The following NFX1 variants were observed in gnomAD, a reference collection of about 807,000 sequenced individuals.
NFX1 encodes transcriptional repressor NF-X1.
A neutral mutation model predicts 137.2 loss-of-function variants in NFX1; 69 were observed. The observed-to-expected ratio is 0.50, with a 90% confidence interval of 0.41 to 0.61. NFX1 has a LOEUF of 0.61. Among genes scored for constraint, NFX1 ranks in the 20% least tolerant of loss-of-function variants. The pLI is 0.00. For synonymous variants in NFX1, 495 were observed against 474.1 expected (o/e 1.04, Z -0.57); for missense variants, 1,167 against 1,391.0 (o/e 0.84, Z 2.56).
At chr9:33,323,772 A>C (rs1025353271) in intron 9 of NFX1, among the ~76,000 whole-genome samples, 5 of 151,272 alleles carry the variant, frequency 3.3e-5, no homozygotes, top group East Asian at 1.9e-4. Context: ...AACAAACAAA[A>C]AAAAACAAAT....
intron 19 of NFX1, among the ~76,000 whole-genome samples, chr9:33,358,061 TCTTTC>T (rs1317726450): frequency 1.3e-5 from 2 of 152,150 alleles, no homozygotes; most frequent in Non-Finnish European, 2.9e-5. Context: ...AATTTTGTAT[TCTTTC>T]AGTAGATTTG....
At chr9:33,325,846 A>G (rs1268466525) in intron 9 of NFX1, among the ~76,000 whole-genome samples, 1 of 152,202 alleles carries the variant, frequency 6.6e-6, no homozygotes, top group Non-Finnish European at 1.5e-5. Flanking sequence ...TCAAATCCAC[A>G]TGAAAAGACA....
chr9:33,332,940 G>A (rs953169686), intron 11 of NFX1, among the ~76,000 whole-genome samples: 7 of 152,178 alleles, frequency 4.6e-5, no homozygotes, highest in African/African-American at 1.7e-4. Flanking sequence ...CCACCTCCCA[G>A]GTTCAAGTGA....
At chr9:33,300,301 G>T (rs1347828510) in intron 2 of NFX1, among the ~76,000 whole-genome samples, 1 of 151,930 alleles carries the variant, frequency 6.6e-6, no homozygotes. Flanking sequence ...CCGACCTCAT[G>T]ATCTGCCCGC....
intron 7 of NFX1, among the ~76,000 whole-genome samples, chr9:33,317,035 C>G (rs1822186919): frequency 6.6e-6 from 1 of 152,108 alleles, no homozygotes; most frequent in East Asian, 1.9e-4. Context: ...TTCATTGATT[C>G]TACAAATATT....
At chr9:33,310,765 TG>T (rs1381469970) in intron 5 of NFX1, among the ~76,000 whole-genome samples, 1 of 152,216 alleles carries the variant, frequency 6.6e-6, no homozygotes, top group East Asian at 1.9e-4. Context: ...GCCTTTTACC[TG>T]AGTAGCAAAC....
At chr9:33,306,495 G>A (rs1821757260) in intron 4 of NFX1, among the ~76,000 whole-genome samples, 1 of 152,136 alleles carries the variant, frequency 6.6e-6, no homozygotes, top group African/African-American at 2.4e-5. Flanking sequence ...CTCTCAACAT[G>A]AATAAAATTT....
chr9:33,328,694 T>C lies in NFX1; in HGVS notation c.2004+16T>C, dbSNP rs1208744229. 2.5e-6 allele frequency: 4 copies of C among 1,568,758 alleles called. No homozygotes were observed. Among genetic ancestry groups the C allele is most frequent in the African/African-American group, 1.3e-5 (1 of 74,148 alleles). ...CAGAACAAAGGTAAATCCTAAACAA[T>C]GCTAGAGTTGTTGCCATCAATGTTT... On this transcript the variant is annotated intron_variant, in intron 10 of 23. Coordinates refer to ENST00000379540, the MANE Select transcript of NFX1 (RefSeq NM_002504.6).
At chr9:33,319,247 G>A in intron 9 of NFX1, 120 bp downstream of exon 9, 1 of 824,780 alleles carries the variant, frequency 1.2e-6, no homozygotes, top group South Asian at 1.8e-5. Context: ...TAAATATTAT[G>A]ATCATATTTA....
At chr9:33,320,499 A>G (rs1822346009) in intron 9 of NFX1, among the ~76,000 whole-genome samples, 1 of 152,120 alleles carries the variant, frequency 6.6e-6, no homozygotes, top group South Asian at 2.1e-4. Context: ...TTATATTCTT[A>G]TCAGTGCTTT....
At chr9:33,364,603 C>G in intron 20 of NFX1, 105 bp from the exon 21 acceptor site, 2 of 1,305,072 alleles carry the variant, frequency 1.5e-6, no homozygotes, top group Non-Finnish European at 2.1e-6. Flanking sequence ...TGCAGTTTTA[C>G]TGCCAGCATT....
At chr9:33,337,489 A>G (rs1319169669) in intron 11 of NFX1, among the ~76,000 whole-genome samples, 2 of 152,206 alleles carry the variant, frequency 1.3e-5, no homozygotes, top group African/African-American at 4.8e-5. Context: ...TAAGATGAGC[A>G]TGGCTTCTCC....
intron 7 of NFX1, among the ~76,000 whole-genome samples, chr9:33,317,220 A>G (rs1385587287): frequency 1.3e-5 from 2 of 150,402 alleles, no homozygotes; most frequent in Non-Finnish European, 3.0e-5. Context: ...GGAGTTTGAG[A>G]CCAGCTTGGG....
intron 17 of NFX1, among the ~76,000 whole-genome samples, chr9:33,353,102 T>G (rs1462090332): frequency 2.0e-5 from 3 of 152,260 alleles, no homozygotes; most frequent in African/African-American, 7.2e-5. Flanking sequence ...GAAACAGTGC[T>G]GCTTTATATA....
intron 11 of NFX1, among the ~76,000 whole-genome samples, chr9:33,337,574 T>C (rs939079009): frequency 6.6e-6 from 1 of 152,162 alleles, no homozygotes; most frequent in African/African-American, 2.4e-5. Flanking sequence ...TATTTTAATA[T>C]GCATTTTCAG....
chr9:33,365,614 A>AAAAG (rs1020310695), intron 21 of NFX1: 2 of 152,252 alleles, frequency 1.3e-5, no homozygotes, highest in Non-Finnish European at 2.9e-5. Context: ...GTCTCAATAA[A>AAAAG]AAAGAAAGAA....
chr9:33,310,915 T>G (rs575739806), intron 5 of NFX1, among the ~76,000 whole-genome samples, 191 bp from the exon 6 acceptor site: 4 of 152,376 alleles, frequency 2.6e-5, no homozygotes, highest in Non-Finnish European at 5.9e-5. Flanking sequence ...GTGATAATGA[T>G]GTCGATTTTT....
At chr9:33,360,198 A>G (rs1823944274) in intron 19 of NFX1, among the ~76,000 whole-genome samples, 1 of 152,216 alleles carries the variant, frequency 6.6e-6, no homozygotes, top group Non-Finnish European at 1.5e-5. Context: ...GTTGAAAGAC[A>G]TATTGTATAC....
At chr9:33,333,185 G>A (rs1442644134) in intron 11 of NFX1, among the ~76,000 whole-genome samples, 2 of 152,106 alleles carry the variant, frequency 1.3e-5, no homozygotes, top group African/African-American at 4.8e-5. Context: ...TGTTGTTGAA[G>A]CCATTTTAAA....
Sources: gnomAD v4.1 joint callset for allele counts (sites outside exome capture counted in the v4.1 genomes callset) on GRCh38, gnomAD v4.1.1 for gene constraint, MANE v1.5 for transcripts, NCBI Gene and HGNC (gene_info 2026-07-23, HGNC 2026-07-21) for gene names.